The following KDELR2 variants were observed in gnomAD, a reference collection of about 807,000 sequenced individuals.
KDELR2 encodes KDEL endoplasmic reticulum protein retention receptor 2, also known as ER lumen protein-retaining receptor 2.
A neutral mutation model predicts 23.9 loss-of-function variants in KDELR2; 15 were observed. That is an observed-to-expected ratio of 0.63 (90% CI 0.42 to 0.97). KDELR2 has a LOEUF of 0.97. KDELR2 is among the 50% of genes least tolerant of loss of function. KDELR2 has a pLI of 0.00. For missense variants in KDELR2, 272 were observed against 254.6 expected (o/e 1.07, Z -0.46); for synonymous variants, 119 against 106.2 (o/e 1.12, Z -0.74).
chr7:6,469,726 G>C lies in KDELR2; in HGVS notation c.221C>G (p.Thr74Arg). 1 of 1,614,058 alleles carries C rather than the reference G, an allele frequency of 6.2e-7. No homozygotes were observed. The highest frequency in any genetic ancestry group is 8.5e-7 in the Non-Finnish European group (1 of 1,179,968). Reference protein sequence around the residue: ...KVIYLACSYATVYLIYLKFKA... With the variant: ...KVIYLACSYARVYLIYLKFKA... ...AAATTTCAGGTAGATCAGGTACACT[G>C]TGGCATAGGAGCAGGCAAGGTAGAT... Residue 74 changes from threonine to arginine, a missense_variant, in exon 3 of 5, where the codon ACA becomes AGA. By Grantham distance (71) the Thr-to-Arg change is moderately conservative (BLOSUM62 -1). Transcript: ENST00000258739.
Position 6,461,838 on chromosome 7 carries a change from G to C in KDELR2, c.*1303C>G, listed in dbSNP as rs1785394769. The C allele has an allele frequency of 6.6e-6, 1 of 151,900 alleles. No individual in the cohort carries two copies. The highest frequency in any genetic ancestry group is 2.4e-5 in the African/African-American group (1 of 41,356). The allele number at this position is 151,900 out of a possible 1,614,324, so 9.4% of individuals were successfully genotyped here. On this transcript the variant is annotated 3_prime_UTR_variant, in exon 5 of 5. Coordinates refer to ENST00000258739, the MANE Select transcript of KDELR2 (RefSeq NM_006854.4). Reference sequence around the variant, plus strand: ...ATACTTTTGCATTAATCAAAAAATAGCAAATCCATATAATGGCAAAATCAG... The same window carrying C: ...ATACTTTTGCATTAATCAAAAAATACCAAATCCATATAATGGCAAAATCAG...
rs1170730892 is a variant in KDELR2, at chr7:6,484,064, G to A, written c.-7C>T. The A allele has an allele frequency of 2.0e-5, 30 of 1,486,062 alleles. No individual in the cohort carries two copies. Among genetic ancestry groups the A allele is most frequent in the Non-Finnish European group, 2.6e-5 (29 of 1,113,404 alleles). The allele number at this position is 1,486,062 out of a possible 1,614,324, so 92.1% of individuals were successfully genotyped here. On this transcript the variant is annotated 5_prime_UTR_variant, in exon 1 of 5. Coordinates refer to ENST00000258739, the MANE Select transcript of KDELR2 (RefSeq NM_006854.4). ...TCAGCCGGAAAATGTTCATGGCGGC[G>A]GCGGCGGTGGCGGTCGGCGCAGCGC...
chr7:6,480,766 AC>A (rs1478487172), intron 1 of KDELR2, among the ~76,000 whole-genome samples: 7 of 152,200 alleles, frequency 4.6e-5, no homozygotes, highest in Non-Finnish European at 8.8e-5. Context: ...TCAAATTCTT[AC>A]TCTTTCAAAA....
chr7:6,484,098 CG>C lies in KDELR2; in HGVS notation c.-42del. The C allele has an allele frequency of 2.2e-6, 3 of 1,337,424 alleles. No homozygotes were observed. The highest frequency in any genetic ancestry group is 1.8e-5 in the South Asian group (1 of 54,888). 82.8% of individuals were successfully genotyped at this position (1,337,424 alleles called of 1,614,324 possible). A position where few individuals can be genotyped will look rare whatever the true frequency, so the allele number is the denominator to read the frequency against. ...GGCGGTCGGCGCAGCGCGGCGGCCC[CG>C]GGGCTGGGCGGCTCAGGAGGCGGCG... On this transcript the variant is annotated 5_prime_UTR_variant, in exon 1 of 5. Coordinates refer to ENST00000258739, the MANE Select transcript of KDELR2 (RefSeq NM_006854.4).
chr7:6,467,343 T>C (rs1409161310), intron 3 of KDELR2, among the ~76,000 whole-genome samples: 2 of 152,202 alleles, frequency 1.3e-5, no homozygotes, highest in Non-Finnish European at 2.9e-5. Flanking sequence ...TCCTTAAGCT[T>C]TCTGGTGTGG....
At chr7:6,482,147 C>A (rs1053913533) in intron 1 of KDELR2, among the ~76,000 whole-genome samples, 1 of 152,118 alleles carries the variant, frequency 6.6e-6, no homozygotes, top group African/African-American at 2.4e-5. Flanking sequence ...GGATTACAGG[C>A]ATGCACCACC....
chr7:6,474,904 T>C (rs992366726), intron 1 of KDELR2, among the ~76,000 whole-genome samples: 4 of 152,144 alleles, frequency 2.6e-5, no homozygotes, highest in African/African-American at 7.2e-5. Context: ...TCCCAAAGCG[T>C]TGGCATTACA....
At chr7:6,477,752 G>A (rs1484700017) in intron 1 of KDELR2, among the ~76,000 whole-genome samples, 1 of 152,136 alleles carries the variant, frequency 6.6e-6, no homozygotes, top group Non-Finnish European at 1.5e-5. Flanking sequence ...TGACCTCCTA[G>A]GCTCAAGCAA....
At chr7:6,463,290 T>C (rs952640596) in intron 4 of KDELR2, 115 bp from the exon 5 acceptor site, 14 of 766,666 alleles carry the variant, frequency 1.8e-5, no homozygotes, top group African/African-American at 1.2e-4. Flanking sequence ...TAGTAAGGTA[T>C]AGGAAATAAG....
At chr7:6,469,138 C>T (rs547217807) in intron 3 of KDELR2, among the ~76,000 whole-genome samples, 16 of 150,972 alleles carry the variant, frequency 1.1e-4, no homozygotes, top group Admixed American at 7.3e-4. Context: ...TTTTTTAGTA[C>T]AGACGGGGTT....
At chr7:6,466,000 A>G in intron 4 of KDELR2, 71 bp downstream of exon 4, 1 of 1,509,956 alleles carries the variant, frequency 6.6e-7, no homozygotes. Context: ...CCAGATTAGA[A>G]GAGTGCTGGG....
chr7:6,465,089 G>A (rs1260579604), intron 4 of KDELR2, among the ~76,000 whole-genome samples: 1 of 126,020 alleles, frequency 7.9e-6, no homozygotes, highest in East Asian at 2.0e-4. Context: ...TTGTATAGCT[G>A]GATTTTTAGC....
intron 2 of KDELR2, among the ~76,000 whole-genome samples, chr7:6,471,991 C>T (rs1254920300): frequency 6.6e-6 from 1 of 151,972 alleles, no homozygotes; most frequent in Non-Finnish European, 1.5e-5. Flanking sequence ...ACCTCCGCTT[C>T]CCGGGTTCAA....
chr7:6,481,576 G>A (rs904536179), intron 1 of KDELR2, among the ~76,000 whole-genome samples: 7 of 151,824 alleles, frequency 4.6e-5, no homozygotes, highest in East Asian at 1.9e-4. Flanking sequence ...AAGTAACATC[G>A]CCGGGCACTG....
At chr7:6,477,460 A>G (rs1785779969) in intron 1 of KDELR2, among the ~76,000 whole-genome samples, 1 of 152,190 alleles carries the variant, frequency 6.6e-6, no homozygotes, top group South Asian at 2.1e-4. Flanking sequence ...GCTTCTCTCC[A>G]CTTTGAGATC....
At chr7:6,482,592 G>A (rs1248146138) in intron 1 of KDELR2, 1 of 470,316 alleles carries the variant, frequency 2.1e-6, no homozygotes. Flanking sequence ...GGCGAGGCCT[G>A]CAGACAGCAG....
Position 6,462,847 on chromosome 7 carries a change from C to G in KDELR2, c.*294G>C, listed in dbSNP as rs550765364. On this transcript the variant is annotated 3_prime_UTR_variant, in exon 5 of 5. Transcript: ENST00000258739. ...AATTTGCACTTATTCCTCACAAAAT[C>G]TTCACTTTTGGAACTATCCCAATTG... 1 of 866,492 alleles carries G rather than the reference C, an allele frequency of 1.2e-6. No homozygotes were observed. Among genetic ancestry groups the G allele is most frequent in the Non-Finnish European group, 1.7e-6 (1 of 598,662 alleles). The allele number at this position is 866,492 out of a possible 1,614,324, so 53.7% of individuals were successfully genotyped here. A position where few individuals can be genotyped will look rare whatever the true frequency, so the allele number is the denominator to read the frequency against.
At chr7:6,476,506 T>C (rs910184704) in intron 1 of KDELR2, among the ~76,000 whole-genome samples, 31 of 152,238 alleles carry the variant, frequency 2.0e-4, no homozygotes, top group African/African-American at 2.2e-4. Context: ...ATTTCCTATA[T>C]GGTTCTTTCC....
chr7:6,467,990 G>C (rs1039214249), intron 3 of KDELR2, among the ~76,000 whole-genome samples: 8 of 152,210 alleles, frequency 5.3e-5, no homozygotes, highest in African/African-American at 1.9e-4. Flanking sequence ...CACGACATCA[G>C]TGCACATCTG....
Sources: allele counts gnomAD v4.1 joint callset (sites outside exome capture counted in the v4.1 genomes callset), GRCh38; gene constraint gnomAD v4.1.1; transcripts MANE v1.5; gene names NCBI Gene and HGNC (gene_info 2026-07-23, HGNC 2026-07-21).